Variants in PARP4 observed in about 807,000 individuals in gnomAD.
PARP4 encodes the protein protein mono-ADP-ribosyltransferase PARP4.
PARP4 carries 120 observed loss-of-function variants against 187.7 expected under a neutral mutation model. The observed-to-expected ratio is 0.64, with a 90% CI of 0.55 to 0.74. The LOEUF (loss-of-function observed/expected upper bound fraction) is 0.74. PARP4 is among the 30% of genes least tolerant of loss of function. The pLI, the probability that PARP4 is intolerant of heterozygous loss-of-function variation, is 0.00. For synonymous variants in PARP4, 654 were observed against 740.9 expected, an observed-to-expected ratio of 0.88 and a Z score of 1.90; for missense variants, 1,836 against 2,070.5, an observed-to-expected ratio of 0.89 and a Z score of 2.20.
intron 27 of PARP4, among the ~76,000 whole-genome samples, chr13:24,446,160 T>C (rs988193294): frequency 1.3e-5 from 2 of 152,240 alleles, no homozygotes; most frequent in African/African-American, 2.4e-5. Flanking sequence ...TGTACCTTTA[T>C]TGAGTTATGA....
At chr13:24,489,150 C>T (rs1459553338) in intron 10 of PARP4, among the ~76,000 whole-genome samples, 2 of 152,054 alleles carry the variant, frequency 1.3e-5, no homozygotes, top group African/African-American at 4.8e-5. Context: ...CTTTCAATTC[C>T]TTTGAGTATA....
Position 24,452,387 on chromosome 13 carries a change from C to CCAGCTCT in PARP4, c.3014+12_3014+18dup, listed in dbSNP as rs1565997233. The stretch of plus-strand genomic sequence containing the variant: ...CTCCCCGTGGGTCTGGACTATGTGA[C>CCAGCTCT]CAGCTCTCTGAGACTCACCCGATAC... On this transcript the variant is annotated intron_variant, in intron 24 of 33. Coordinates refer to ENST00000381989, the MANE Select transcript of PARP4 (RefSeq NM_006437.4). The CCAGCTCT allele has an allele frequency of 1.2e-6, 2 of 1,601,056 alleles. No individual in the cohort carries two copies. Among genetic ancestry groups the CCAGCTCT allele is most frequent in the Admixed American group, 3.4e-5 (2 of 59,248 alleles).
intron 23 of PARP4, 102 bp downstream of exon 23, chr13:24,453,485 T>G (rs542377365): frequency 2.6e-4 from 177 of 669,568 alleles, no homozygotes; most frequent in Non-Finnish European, 3.6e-4. Flanking sequence ...ACCACAGGAG[T>G]AGGGGTGCTC....
intron 5 of PARP4, 130 bp from the exon 6 acceptor site, chr13:24,498,359 A>G: frequency 1.6e-6 from 1 of 613,922 alleles, no homozygotes; most frequent in Non-Finnish European, 2.9e-6. Flanking sequence ...ATAGAAAAGT[A>G]TCAAGAAGAA....
chr13:24,486,178 T>A lies in PARP4; in HGVS notation c.1342A>T (p.Ile448Phe). Residue 448 changes from isoleucine (I) to phenylalanine (F), a missense_variant, in exon 11 of 34, where the codon ATC becomes TTC. This residue lies in a region of PARP4 where 1,147 missense variants were observed against 1,214.2 expected (regional missense o/e 0.94). Coordinates refer to ENST00000381989, the MANE Select transcript of PARP4 (RefSeq NM_006437.4). ...GATGGCTACTCTTACCGACACAAGA[T>A]TCCCACGATGTTTTGTACAGGAGAA... ...HGSPVQNIVG[I>F]LCRGLLLPKV... is the part of the protein sequence containing the mutation. 1 of 1,610,392 alleles carries A rather than the reference T, an allele frequency of 6.2e-7. No homozygotes were observed. Among genetic ancestry groups the A allele is most frequent in the Non-Finnish European group, 8.5e-7 (1 of 1,178,808 alleles).
intron 17 of PARP4, among the ~76,000 whole-genome samples, chr13:24,463,324 G>C (rs1237535263): frequency 6.6e-6 from 1 of 152,066 alleles, no homozygotes; most frequent in Non-Finnish European, 1.5e-5. Flanking sequence ...GAAAGACTTT[G>C]TTAGATAAAA....
intron 7 of PARP4, 81 bp from the exon 8 acceptor site, chr13:24,493,814 G>C (rs776636443): frequency 2.9e-6 from 4 of 1,360,454 alleles, no homozygotes; most frequent in Non-Finnish European, 4.1e-6. Context: ...AACGAACAGA[G>C]GTGTGAGGAG....
intron 25 of PARP4, among the ~76,000 whole-genome samples, chr13:24,448,454 A>AG (rs1349142549): frequency 2.2e-5 from 1 of 44,644 alleles, no homozygotes; most frequent in African/African-American, 3.5e-5. Flanking sequence ...TCAATCAATA[A>AG]GGAAAAAAAA....
rs55699776 is a variant in PARP4, at chr13:24,449,387, C to CA, written c.3114+330dup. On this transcript the variant is annotated intron_variant, in intron 25 of 33. Coordinates refer to ENST00000381989, the MANE Select transcript of PARP4 (RefSeq NM_006437.4). Reference sequence around the variant, plus strand: ...TGGGCGACAGAGCAAGACTCTGTCTCAAAAAAAAAAAAAAAAAAAAAATTA... The same window carrying CA: ...TGGGCGACAGAGCAAGACTCTGTCTCAAAAAAAAAAAAAAAAAAAAAAATTA... Among the ~76,000 whole-genome samples, 182 of 82,046 alleles carry CA rather than the reference C, an allele frequency of 2.2e-3. 1 individual carries two copies. The highest frequency in any genetic ancestry group is 6.5e-3 in the African/African-American group (151 of 23,114). 53.8% of individuals were successfully genotyped at this position (82,046 alleles called of 152,430 possible). A position where few individuals can be genotyped will look rare whatever the true frequency, so the allele number is the denominator to read the frequency against.
chr13:24,440,419 TAA>T (rs71070698), intron 30 of PARP4, among the ~76,000 whole-genome samples: 3,414 of 126,196 alleles, frequency 0.027, 92 homozygotes, highest in African/African-American at 0.071. Context: ...AAATTAAAAT[TAA>T]AAAAAAAAAA....
chr13:24,481,565 C>T (rs544737720), intron 12 of PARP4, among the ~76,000 whole-genome samples: 7 of 152,192 alleles, frequency 4.6e-5, no homozygotes, highest in Non-Finnish European at 7.4e-5. Context: ...TGGTGGCATG[C>T]GCCTGTAATC....
intron 8 of PARP4, 114 bp downstream of exon 8, chr13:24,493,482 T>C: frequency 1.0e-6 from 1 of 959,638 alleles, no homozygotes; most frequent in Non-Finnish European, 1.5e-6. Context: ...AAAGAACATT[T>C]AGGAATGAAT....
intron 30 of PARP4, among the ~76,000 whole-genome samples, chr13:24,441,473 C>A (rs1358804752): frequency 1.3e-5 from 2 of 152,222 alleles, no homozygotes; most frequent in African/African-American, 4.8e-5. Context: ...CGGTATAAAG[C>A]ACTATAAACT....
At position 24,426,450 on chromosome 13, in the gene PARP4, C is replaced by G; in HGVS notation, c.4979+16G>C. 6.3e-7 allele frequency: 1 copy of G among 1,590,360 alleles called. No individual in the cohort carries two copies. Among genetic ancestry groups the G allele is most frequent in the Non-Finnish European group, 8.6e-7 (1 of 1,163,290 alleles). Reference sequence around the variant, plus strand: ...GAAAATATAAATAAGTTGCATAATACTATAGTTAAAGCCACCTGGAAATAG... The same window carrying G: ...GAAAATATAAATAAGTTGCATAATAGTATAGTTAAAGCCACCTGGAAATAG... On this transcript the variant is annotated intron_variant, in intron 33 of 33. Coordinates refer to ENST00000381989, the MANE Select transcript of PARP4 (RefSeq NM_006437.4).
chr13:24,508,849 T>C (rs77716674), intron 1 of PARP4, among the ~76,000 whole-genome samples: 3,796 of 152,266 alleles, frequency 0.025, 93 homozygotes, highest in African/African-American at 0.068. Flanking sequence ...GACATCACAC[T>C]ACCTATCCCG....
At chr13:24,443,831 T>C (rs1871075758) in intron 27 of PARP4, 101 bp from the exon 28 acceptor site, 1 of 770,454 alleles carries the variant, frequency 1.3e-6, no homozygotes, top group Admixed American at 1.9e-5. Flanking sequence ...CTGCATACAG[T>C]AAAATGCACT....
In PARP4 at chr13:24,441,917, C is replaced by T. The variant is rs747465121; in HGVS notation, c.3595G>A (p.Ala1199Thr). 6 of 1,610,210 alleles carry T rather than the reference C, an allele frequency of 3.7e-6. No individual in the cohort carries two copies. In the South Asian group the frequency reaches 6.6e-5, roughly 18 times the overall value. The change falls in exon 30 of 34, where the codon GCC (alanine) becomes ACC (threonine). Residue 1199 changes from alanine (A) to threonine (T), a missense_variant. Ala to Thr is a moderately conservative substitution (Grantham distance 58, BLOSUM62 0). Coordinates refer to ENST00000381989, the MANE Select transcript of PARP4 (RefSeq NM_006437.4). ...PDIPKVSELIAKEDVDFLPYM... is the reference protein window; with the variant it reads ...PDIPKVSELITKEDVDFLPYM... ...GGCAGGAAGTCTACATCTTCTTTGG[C>T]AATAAGTTCAGAAACTTTTGGAATA...
chr13:24,431,154 T>G (rs573841492), intron 32 of PARP4, among the ~76,000 whole-genome samples: 1 of 152,328 alleles, frequency 6.6e-6, no homozygotes, highest in Non-Finnish European at 1.5e-5. Context: ...TTGGTGCTAT[T>G]TATGCTAATA....
chr13:24,433,149 C>A (rs1870436159), intron 31 of PARP4, among the ~76,000 whole-genome samples: 1 of 152,134 alleles, frequency 6.6e-6, no homozygotes, highest in Non-Finnish European at 1.5e-5. Flanking sequence ...TCTAGCCTTC[C>A]TAGGCTCCTG....
Sources: allele counts gnomAD v4.1 joint callset (sites outside exome capture counted in the v4.1 genomes callset), GRCh38; gene constraint gnomAD v4.1.1; regional missense constraint gnomAD v4.1.1; transcripts MANE v1.5; gene names NCBI Gene and HGNC (gene_info 2026-07-23, HGNC 2026-07-21).